FTO: variants seen among roughly 807,000 people sequenced by gnomAD.
The protein encoded by FTO is alpha-ketoglutarate-dependent dioxygenase FTO.
FTO carries 47 observed loss-of-function variants against 63.9 expected under a neutral mutation model. The ratio of observed to expected loss-of-function variants is 0.74; its 90% CI spans 0.58 to 0.94. The LOEUF (loss-of-function observed/expected upper bound fraction) is 0.94, where lower values mean the gene tolerates loss of function less well. Among genes scored for constraint, FTO ranks in the 40% least tolerant of loss-of-function variants. The pLI is 0.00. For missense variants in FTO, 562 were observed against 618.1 expected, an observed-to-expected ratio of 0.91 and a Z score of 0.96; for synonymous variants, 207 against 224.4, an observed-to-expected ratio of 0.92 and a Z score of 0.69.
At position 54,120,631 on chromosome 16, in the gene FTO, C is replaced by T. The variant is rs1233048759; in HGVS notation, c.*8716C>T. On this transcript the variant is annotated 3_prime_UTR_variant, in exon 9 of 9. Coordinates refer to ENST00000471389, the MANE Select transcript of FTO (RefSeq NM_001080432.3). Reference sequence around the variant, plus strand: ...AGTTATTTCAGGTGAATTATAGAAACTGGATTTCAAGTTTCTGATAAGTAT... The same window carrying T: ...AGTTATTTCAGGTGAATTATAGAAATTGGATTTCAAGTTTCTGATAAGTAT... The T allele has an allele frequency of 6.6e-6, 1 of 152,114 alleles. No homozygotes were observed. The highest frequency in any genetic ancestry group is 6.6e-5 in the Admixed American group (1 of 15,264). 9.4% of individuals were successfully genotyped at this position (152,114 alleles called of 1,614,324 possible).
At chr16:54,075,702 C>T (rs2085977181) in intron 8 of FTO, among the ~76,000 whole-genome samples, 1 of 152,170 alleles carries the variant, frequency 6.6e-6, no homozygotes, top group Non-Finnish European at 1.5e-5. Context: ...AAGGTGATGT[C>T]ACCGCATGCT....
intron 8 of FTO, among the ~76,000 whole-genome samples, chr16:54,059,926 G>T (rs1453323493): frequency 6.6e-6 from 1 of 151,532 alleles, no homozygotes. Context: ...TGTTTTCTGT[G>T]TGTGGTGCTT....
chr16:53,837,515 T>C (rs2079333752), intron 3 of FTO, among the ~76,000 whole-genome samples: 1 of 152,188 alleles, frequency 6.6e-6, no homozygotes, highest in African/African-American at 2.4e-5. Context: ...GTTTGTTTTT[T>C]TTTCTCACCC....
At chr16:53,760,427 G>A (rs2077037926) in intron 1 of FTO, among the ~76,000 whole-genome samples, 1 of 151,412 alleles carries the variant, frequency 6.6e-6, no homozygotes, top group Non-Finnish European at 1.5e-5. Context: ...TGTATTTTTT[G>A]TAGGGATGGG....
intron 1 of FTO, among the ~76,000 whole-genome samples, chr16:53,798,660 T>C (rs1032938917): frequency 9.1e-4 from 139 of 152,338 alleles, no homozygotes; most frequent in African/African-American, 3.2e-3. Flanking sequence ...GCAAATTCTG[T>C]AGAATTTTCT....
At chr16:53,750,852 C>T (rs1286691231) in intron 1 of FTO, among the ~76,000 whole-genome samples, 1 of 152,100 alleles carries the variant, frequency 6.6e-6, no homozygotes, top group Non-Finnish European at 1.5e-5. Flanking sequence ...TTGAATTGCA[C>T]ACAGAACATG....
chr16:53,808,431 A>C (rs2078429013), intron 1 of FTO, among the ~76,000 whole-genome samples: 1 of 152,200 alleles, frequency 6.6e-6, no homozygotes, highest in Non-Finnish European at 1.5e-5. Context: ...TGACTAAATA[A>C]ATATAATAGA....
At chr16:53,929,202 C>T (rs2082222392) in intron 7 of FTO, among the ~76,000 whole-genome samples, 1 of 152,156 alleles carries the variant, frequency 6.6e-6, no homozygotes, top group South Asian at 2.1e-4. Flanking sequence ...AGAATGGTTC[C>T]ATCATGCTCA....
Position 53,810,188 on chromosome 16 carries a change from AC to A in FTO, c.99del (p.Asp35MetfsTer10). 6.2e-7 allele frequency: 1 copy of A among 1,610,380 alleles called. No homozygotes were observed. The highest frequency in any genetic ancestry group is 1.1e-5 in the South Asian group (1 of 90,974). On this transcript the variant is annotated frameshift_variant, in exon 2 of 9. Coordinates refer to ENST00000471389, the MANE Select transcript of FTO (RefSeq NM_001080432.3). LOFTEE classifies it high-confidence loss of function. ...TGAAGACACTTGGCTCCCTTATCTG[AC>A]CCCCAAAGATGATGAATTCTATCAG... Reference protein sequence around the residue: ...ELEDTWLPYLTPKDDEFYQQW... With the variant: ...ELEDTWLPYLXPKDDEFYQQW...
intron 4 of FTO, among the ~76,000 whole-genome samples, chr16:53,861,503 T>C (rs1454952403): frequency 4.6e-5 from 7 of 152,246 alleles, no homozygotes; most frequent in Non-Finnish European, 8.8e-5. Context: ...CTCATTTTTC[T>C]GTTGAGGTGT....
chr16:53,956,588 CCA>C (rs1282671835), intron 8 of FTO: 11 of 151,926 alleles, frequency 7.2e-5, no homozygotes, highest in African/African-American at 2.7e-4. Context: ...GGTGTATTTC[CCA>C]CAGACAAGCA....
intron 8 of FTO, among the ~76,000 whole-genome samples, chr16:54,008,958 G>A (rs1429461341): frequency 6.6e-6 from 1 of 151,834 alleles, no homozygotes; most frequent in Non-Finnish European, 1.5e-5. Flanking sequence ...GTTGCAGTGA[G>A]CTATGATCAT....
intron 1 of FTO, among the ~76,000 whole-genome samples, chr16:53,706,322 T>A (rs940198643): frequency 6.6e-6 from 1 of 152,204 alleles, no homozygotes; most frequent in Middle Eastern, 3.2e-3. Flanking sequence ...CAACCATTTT[T>A]GTGTACAATT....
At chr16:53,732,774 C>G (rs1430289767) in intron 1 of FTO, among the ~76,000 whole-genome samples, 1 of 152,012 alleles carries the variant, frequency 6.6e-6, no homozygotes, top group African/African-American at 2.4e-5. Context: ...TTTCTGTTTA[C>G]CCATGGAAAT....
At chr16:53,826,605 G>GCA in intron 3 of FTO, 114 bp downstream of exon 3, 1 of 987,090 alleles carries the variant, frequency 1.0e-6, no homozygotes, top group Non-Finnish European at 1.6e-6. Flanking sequence ...GTGCTTGCGT[G>GCA]TGTACATGCA....
intron 1 of FTO, among the ~76,000 whole-genome samples, chr16:53,806,001 C>G (rs915542605): frequency 6.6e-5 from 10 of 152,212 alleles, no homozygotes; most frequent in Non-Finnish European, 1.0e-4. Flanking sequence ...ATCTGTACAT[C>G]AGGCTGAGGA....
At chr16:53,765,430 C>T (rs1775230865) in intron 1 of FTO, among the ~76,000 whole-genome samples, 3 of 151,714 alleles carry the variant, frequency 2.0e-5, no homozygotes. Context: ...TGGCAGGTGC[C>T]TGTAATCCCA....
Position 53,932,546 on chromosome 16 carries a change from C to T in FTO, c.1240-1439C>T, listed in dbSNP as rs1008328779. ...CTGTTATTATATGTGCACGCCACCA[C>T]GCCTGGCAAATTTTTGTATTTTTAG... is the stretch of plus-strand genomic sequence containing the variant. On this transcript the variant is annotated intron_variant, in intron 7 of 8. Transcript: ENST00000471389. 6.6e-5 allele frequency among the ~76,000 whole-genome samples: 10 copies of T among 152,112 alleles called. No individual in the cohort carries two copies. The East Asian group carries it at 9.7e-4, about 15-fold the overall frequency.
At position 53,722,655 on chromosome 16, in the gene FTO, C is replaced by T. The variant is rs535737046; in HGVS notation, c.45+18426C>T. 5.3e-5 allele frequency among the ~76,000 whole-genome samples: 8 copies of T among 152,036 alleles called. No homozygotes were observed. In the South Asian group the frequency reaches 1.2e-3, roughly 24 times the overall value. On this transcript the variant is annotated intron_variant, in intron 1 of 8. Coordinates refer to ENST00000471389, the MANE Select transcript of FTO (RefSeq NM_001080432.3). ...CAGCCTGGCCAACATGGTGAAACCC[C>T]GTCTCTACTAAAGATACAAAAAATT...
Sources: allele counts gnomAD v4.1 joint callset (sites outside exome capture counted in the v4.1 genomes callset), GRCh38; gene constraint gnomAD v4.1.1; transcripts MANE v1.5; gene names NCBI Gene and HGNC (gene_info 2026-07-23, HGNC 2026-07-21).